Variants in CCSER2 observed in about 807,000 individuals in gnomAD.
CCSER2 encodes the protein coiled-coil serine rich protein 2.
A neutral mutation model predicts 92.3 loss-of-function variants in CCSER2; 46 were observed. That is an observed-to-expected ratio of 0.50 (90% CI 0.39 to 0.64). CCSER2 has a LOEUF of 0.64. Among genes scored for constraint, CCSER2 ranks in the 30% least tolerant of loss-of-function variants. The pLI is 0.00. For synonymous variants in CCSER2, 433 were observed against 431.4 expected (o/e 1.00, Z -0.04); for missense variants, 1,244 against 1,238.9 (o/e 1.00, Z -0.06).
intron 1 of CCSER2, among the ~76,000 whole-genome samples, chr10:84,341,037 C>CT (rs749153928): frequency 0.17 from 19,638 of 115,128 alleles, 3,662 homozygotes; most frequent in African/African-American, 0.44. Flanking sequence ...CAATGTAACA[C>CT]TTTTTTTTTT....
intron 5 of CCSER2, among the ~76,000 whole-genome samples, chr10:84,430,546 G>A (rs1047977345): frequency 2.6e-5 from 4 of 152,112 alleles, no homozygotes; most frequent in African/African-American, 4.8e-5. Context: ...TCTAGGGAGC[G>A]GCCAGGGAGA....
chr10:84,504,909 G>A (rs1270626763), intron 9 of CCSER2, among the ~76,000 whole-genome samples: 6 of 152,038 alleles, frequency 3.9e-5, no homozygotes, highest in Non-Finnish European at 8.8e-5. Flanking sequence ...ATTAAATTCT[G>A]TTCTACTTCC....
intron 3 of CCSER2, among the ~76,000 whole-genome samples, chr10:84,382,551 CAG>C (rs1441429936): frequency 1.3e-5 from 2 of 152,194 alleles, no homozygotes; most frequent in African/African-American, 4.8e-5. Flanking sequence ...GAGCCATACT[CAG>C]AATCTTCTTT....
At chr10:84,330,448 CAGTT>C (rs1256518300) in intron 1 of CCSER2, among the ~76,000 whole-genome samples, 2 of 152,190 alleles carry the variant, frequency 1.3e-5, no homozygotes, top group Admixed American at 1.3e-4. Context: ...GTACACTCTC[CAGTT>C]AGTATTTGTC....
At chr10:84,363,272 G>T (rs966350486) in intron 1 of CCSER2, among the ~76,000 whole-genome samples, 3 of 151,978 alleles carry the variant, frequency 2.0e-5, no homozygotes, top group Admixed American at 6.6e-5. Flanking sequence ...GGGATTACAG[G>T]TGTGAGCCAC....
intron 6 of CCSER2, among the ~76,000 whole-genome samples, chr10:84,448,148 G>A (rs1845044241): frequency 6.6e-6 from 1 of 152,004 alleles, no homozygotes; most frequent in Admixed American, 6.6e-5. Context: ...CATCAGTTGA[G>A]TCTACGCATG....
chr10:84,387,486 G>A (rs1841282534), intron 3 of CCSER2, among the ~76,000 whole-genome samples: 1 of 151,886 alleles, frequency 6.6e-6, no homozygotes, highest in Non-Finnish European at 1.5e-5. Flanking sequence ...TCAGTTTATA[G>A]TATACTACTT....
chr10:84,459,976 T>C (rs1406035596), intron 6 of CCSER2, among the ~76,000 whole-genome samples: 22 of 152,206 alleles, frequency 1.4e-4, no homozygotes, highest in Non-Finnish European at 1.5e-5. Flanking sequence ...TTTCTCAATT[T>C]GGTGAATTAC....
intron 7 of CCSER2, among the ~76,000 whole-genome samples, chr10:84,465,239 TTGTGTGTGTGTGTGTGTGTGTGTGTG>T (rs59254139): frequency 4.8e-4 from 51 of 106,870 alleles, no homozygotes; most frequent in African/African-American, 1.5e-3. Flanking sequence ...TTTCCTGAAT[TTGTGTGTGTGTGTGTGTGTGTGTGTG>T]TGTGTGTGTG....
intron 8 of CCSER2, among the ~76,000 whole-genome samples, chr10:84,471,793 C>T (rs1846817699): frequency 6.6e-6 from 1 of 151,844 alleles, no homozygotes; most frequent in African/African-American, 2.4e-5. Context: ...TTTATAAATC[C>T]TTAATTTTTC....
chr10:84,381,296 A>G (rs371293697), intron 3 of CCSER2, among the ~76,000 whole-genome samples: 38 of 152,338 alleles, frequency 2.5e-4, no homozygotes, highest in African/African-American at 8.7e-4. Flanking sequence ...AGTTGGTATT[A>G]GGCACAATAA....
chr10:84,517,996 G>A lies in CCSER2; in HGVS notation c.*3729G>A, dbSNP rs573374922. On this transcript the variant is annotated 3_prime_UTR_variant, in exon 10 of 10. Transcript: ENST00000372088. The stretch of plus-strand genomic sequence containing the variant: ...CAGTAGTTTTTGTGTTTTTAAATTC[G>A]TTTGGGTGGTTATGTTTGCATGCTT... 8.5e-5 allele frequency: 13 copies of A among 152,260 alleles called. No homozygotes were observed. The East Asian group carries it at 9.6e-4, about 11-fold the overall frequency. The allele number at this position is 152,260 out of a possible 1,614,324, so 9.4% of individuals were successfully genotyped here.
intron 1 of CCSER2, among the ~76,000 whole-genome samples, chr10:84,365,554 A>G (rs1845734485): frequency 6.6e-6 from 1 of 152,258 alleles, no homozygotes; most frequent in Non-Finnish European, 1.5e-5. Context: ...TACATTTAGA[A>G]ATCGTTATTC....
At chr10:84,473,938 C>A (rs1016001128) in intron 8 of CCSER2, among the ~76,000 whole-genome samples, 2 of 152,112 alleles carry the variant, frequency 1.3e-5, no homozygotes, top group African/African-American at 4.8e-5. Context: ...CAACTCCAAC[C>A]TATGTTTGCA....
intron 3 of CCSER2, among the ~76,000 whole-genome samples, chr10:84,384,300 C>CAA (rs1415037719): frequency 1.3e-5 from 2 of 151,976 alleles, no homozygotes; most frequent in African/African-American, 4.8e-5. Context: ...TCCTGGTACC[C>CAA]AAATCTGGCA....
At chr10:84,374,222 C>T (rs1276337472) in intron 3 of CCSER2, among the ~76,000 whole-genome samples, 3 of 151,998 alleles carry the variant, frequency 2.0e-5, no homozygotes, top group Admixed American at 1.3e-4. Flanking sequence ...AAGACAGAGA[C>T]CACAATGAAT....
At chr10:84,390,833 T>C in intron 3 of CCSER2, 1 of 534,012 alleles carries the variant, frequency 1.9e-6, no homozygotes, top group Non-Finnish European at 3.5e-6. Context: ...GAGATGATCT[T>C]GGACATCTTA....
chr10:84,441,404 G>A (rs1419345841), intron 6 of CCSER2, among the ~76,000 whole-genome samples: 1 of 152,068 alleles, frequency 6.6e-6, no homozygotes, highest in Admixed American at 6.6e-5. Flanking sequence ...TAAGTAGAGA[G>A]TTTCTGTTTG....
At chr10:84,504,089 T>A (rs1848915230) in intron 9 of CCSER2, among the ~76,000 whole-genome samples, 1 of 152,156 alleles carries the variant, frequency 6.6e-6, no homozygotes, top group South Asian at 2.1e-4. Context: ...GGACAATACT[T>A]TCTCTTAAAA....
Sources: gnomAD v4.1 joint callset for allele counts (sites outside exome capture counted in the v4.1 genomes callset) on GRCh38, gnomAD v4.1.1 for gene constraint, MANE v1.5 for transcripts, NCBI Gene and HGNC (gene_info 2026-07-23, HGNC 2026-07-21) for gene names.